Variants in PRKACB observed in about 807,000 individuals in gnomAD.
PRKACB encodes the protein protein kinase cAMP-activated catalytic subunit beta, also known as cAMP-dependent protein kinase catalytic subunit beta.
A neutral mutation model predicts 51.4 loss-of-function variants in PRKACB; 16 were observed. That is an observed-to-expected ratio of 0.31 (90% confidence interval 0.21 to 0.47). The LOEUF (loss-of-function observed/expected upper bound fraction) is 0.47, where lower values mean the gene tolerates loss of function less well. Among genes scored for constraint, PRKACB ranks in the 20% least tolerant of loss-of-function variants. The probability of loss-of-function intolerance (pLI) is 1.00; values close to 1 mark genes in which losing one functional copy is unlikely to be tolerated. For missense variants in PRKACB, 309 were observed against 464.5 expected (o/e 0.67, Z 3.08); for synonymous variants, 147 against 154.4 (o/e 0.95, Z 0.35).
chr1:84,124,065 C>G (rs796375952), intron 1 of PRKACB, among the ~76,000 whole-genome samples: 2 of 152,140 alleles, frequency 1.3e-5, no homozygotes, highest in African/African-American at 4.8e-5. Context: ...AAAGCTATCT[C>G]ATAAAAAAGC....
chr1:84,166,436 A>G (rs1369573703), intron 1 of PRKACB, among the ~76,000 whole-genome samples: 1 of 151,690 alleles, frequency 6.6e-6, no homozygotes, highest in East Asian at 1.9e-4. Flanking sequence ...CTGAAGGAAA[A>G]TGTTATTGCT....
At chr1:84,190,322 G>T (rs949083314) in intron 5 of PRKACB, among the ~76,000 whole-genome samples, 1 of 151,728 alleles carries the variant, frequency 6.6e-6, no homozygotes, top group East Asian at 1.9e-4. Context: ...AATTACATGA[G>T]ACATTGATTT....
chr1:84,235,539 T>C lies in PRKACB; in HGVS notation c.*234T>C. ...CACAGTACTAGACCACTTTCTTACT[T>C]CTCTTTGGGTTGTCTTTCTCCTCTC... On this transcript the variant is annotated 3_prime_UTR_variant, in exon 10 of 10. Transcript: ENST00000370685. The C allele has an allele frequency of 2.4e-6, 1 of 424,752 alleles. No individual in the cohort carries two copies. The highest frequency in any genetic ancestry group is 4.2e-6 in the Non-Finnish European group (1 of 240,388). 26.3% of individuals were successfully genotyped at this position (424,752 alleles called of 1,614,324 possible).
At chr1:84,078,384 C>T in intron 1 of PRKACB, 1 of 1,610,434 alleles carries the variant, frequency 6.2e-7, no homozygotes. Flanking sequence ...GAGTTGAAGG[C>T]CGGGTCTGGG....
chr1:84,152,719 G>A (rs1051842157), intron 1 of PRKACB, among the ~76,000 whole-genome samples: 7 of 152,148 alleles, frequency 4.6e-5, no homozygotes. Context: ...TCAAGGCCTT[G>A]TTCTTAATTA....
At chr1:84,181,682 T>C in intron 2 of PRKACB, 1 of 1,521,566 alleles carries the variant, frequency 6.6e-7, no homozygotes, top group Non-Finnish European at 8.8e-7. Flanking sequence ...TCTAGTTCTA[T>C]AAGCTTATAT....
intron 5 of PRKACB, among the ~76,000 whole-genome samples, chr1:84,193,060 A>G (rs1667247433): frequency 6.6e-6 from 1 of 152,120 alleles, no homozygotes; most frequent in Non-Finnish European, 1.5e-5. Context: ...ACTGAGGTCT[A>G]AACCTTACAC....
At chr1:84,140,320 T>C (rs569180585), upstream of PRKACB, among the ~76,000 whole-genome samples, 19 of 152,258 alleles carry the variant, frequency 1.2e-4, no homozygotes, top group Non-Finnish European at 2.5e-4. Flanking sequence ...TATAAATGAG[T>C]GAATATTAAG....
chr1:84,084,638 T>G (rs1571513090), intron 1 of PRKACB, among the ~76,000 whole-genome samples: 1 of 151,818 alleles, frequency 6.6e-6, no homozygotes, highest in East Asian at 1.9e-4. Context: ...ATGGGAGAAA[T>G]TTGAAAAATT....
At chr1:84,131,059 A>G (rs1314991464) in intron 1 of PRKACB, among the ~76,000 whole-genome samples, 3 of 152,210 alleles carry the variant, frequency 2.0e-5, no homozygotes, top group Non-Finnish European at 4.4e-5. Context: ...CCATGAAGTG[A>G]TAAAATTTTA....
intron 1 of PRKACB, among the ~76,000 whole-genome samples, chr1:84,106,810 A>G (rs1649789599): frequency 6.6e-6 from 1 of 152,192 alleles, no homozygotes; most frequent in African/African-American, 2.4e-5. Context: ...AATCCTAAGC[A>G]AAAAGAACAA....
chr1:84,160,734 A>G (rs146467394), intron 1 of PRKACB, among the ~76,000 whole-genome samples: 1,695 of 151,246 alleles, frequency 0.011, 41 homozygotes, highest in African/African-American at 0.039. Flanking sequence ...AATATTTTCT[A>G]ATTTCCCTTG....
intron 9 of PRKACB, among the ~76,000 whole-genome samples, chr1:84,225,324 A>T (rs951554073): frequency 6.6e-6 from 1 of 152,306 alleles, no homozygotes; most frequent in Admixed American, 6.5e-5. Flanking sequence ...TATCAGTGGC[A>T]GTGGCCCCAG....
chr1:84,094,098 AT>A (rs1345234673), intron 1 of PRKACB, among the ~76,000 whole-genome samples: 4 of 151,800 alleles, frequency 2.6e-5, no homozygotes, highest in Admixed American at 2.6e-4. Context: ...TTTTTGCCTT[AT>A]TGCACTGATT....
intron 9 of PRKACB, among the ~76,000 whole-genome samples, chr1:84,214,802 G>C (rs1672657825): frequency 6.6e-6 from 1 of 152,016 alleles, no homozygotes; most frequent in South Asian, 2.1e-4. Context: ...GCCTTACCTA[G>C]CTTAAAAAGA....
At chr1:84,082,716 G>T (rs1647648399) in intron 1 of PRKACB, among the ~76,000 whole-genome samples, 1 of 152,180 alleles carries the variant, frequency 6.6e-6, no homozygotes, top group African/African-American at 2.4e-5. Context: ...CCACATGTCT[G>T]TTGAGCACTG....
chr1:84,205,241 T>G, intron 8 of PRKACB: 4 of 984,818 alleles, frequency 4.1e-6, no homozygotes, highest in Non-Finnish European at 4.8e-6. Context: ...CTCTGTATTA[T>G]GTGAAGTTAG....
chr1:84,231,414 A>C (rs1271606096), intron 9 of PRKACB, among the ~76,000 whole-genome samples: 1 of 152,168 alleles, frequency 6.6e-6, no homozygotes, highest in East Asian at 1.9e-4. Flanking sequence ...TGGCTTTGGT[A>C]TCAGGATGAT....
intron 1 of PRKACB, among the ~76,000 whole-genome samples, chr1:84,152,583 G>T (rs1654976617): frequency 6.6e-6 from 1 of 152,142 alleles, no homozygotes; most frequent in East Asian, 1.9e-4. Flanking sequence ...AGCACTTGCT[G>T]CTTCACCTTG....
Sources: gnomAD v4.1 joint callset for allele counts (sites outside exome capture counted in the v4.1 genomes callset) on GRCh38, gnomAD v4.1.1 for gene constraint, MANE v1.5 for transcripts, NCBI Gene and HGNC (gene_info 2026-07-23, HGNC 2026-07-21) for gene names.